CNTN6: variants seen among roughly 807,000 people sequenced by gnomAD.
CNTN6 encodes the protein contactin 6, also known as contactin-6.
CNTN6 carries 137 observed loss-of-function variants against 122.8 expected under a neutral mutation model. The ratio of observed to expected loss-of-function variants is 1.12; its 90% CI spans 0.97 to 1.29. CNTN6 has a LOEUF of 1.29. Among genes scored for constraint, CNTN6 ranks in the 50% most tolerant of loss-of-function variants. The probability of loss-of-function intolerance (pLI) is 0.00; values close to 1 mark genes in which losing one functional copy is unlikely to be tolerated. For synonymous variants in CNTN6, 570 were observed against 426.0 expected, an observed-to-expected ratio of 1.34 and a Z score of -4.16; for missense variants, 1,634 against 1,223.4, an observed-to-expected ratio of 1.34 and a Z score of -5.01.
In CNTN6 at chr3:1,194,720, A is replaced by C. The variant is rs192659814; in HGVS notation, c.56-25967A>C. ...ATGTATTTCTGTGCCTTATACATGGAAAGTAACATTTTCTTTCATTTCTCC... is the reference window on the plus strand; with the variant it reads ...ATGTATTTCTGTGCCTTATACATGGCAAGTAACATTTTCTTTCATTTCTCC... On this transcript the variant is annotated intron_variant, in intron 2 of 22. Transcript: ENST00000446702. Among the ~76,000 whole-genome samples, 222 of 152,178 alleles carry C rather than the reference A, an allele frequency of 1.5e-3. 2 individuals are homozygous for C. Among genetic ancestry groups the C allele is most frequent in the African/African-American group, 5.2e-3 (217 of 41,534 alleles).
intron 11 of CNTN6, among the ~76,000 whole-genome samples, chr3:1,344,382 C>G (rs1000326706): frequency 2.6e-5 from 4 of 152,126 alleles, no homozygotes; most frequent in Non-Finnish European, 5.9e-5. Flanking sequence ...TGGGAACAGT[C>G]TGTGGAAGGA....
chr3:1,394,303 G>A (rs565710275), intron 20 of CNTN6: 4 of 188,102 alleles, frequency 2.1e-5, no homozygotes, highest in African/African-American at 4.8e-5. Context: ...ACGGCCCCCC[G>A]AAACAGGGCT....
intron 8 of CNTN6, among the ~76,000 whole-genome samples, chr3:1,322,577 ACTT>A (rs1454227320): frequency 6.6e-6 from 1 of 151,706 alleles, no homozygotes; most frequent in Admixed American, 6.6e-5. Flanking sequence ...TGGCCAAAAT[ACTT>A]TCCTATGTGA....
At chr3:1,112,761 A>C (rs1377906138) in intron 1 of CNTN6, among the ~76,000 whole-genome samples, 1 of 152,120 alleles carries the variant, frequency 6.6e-6, no homozygotes, top group Non-Finnish European at 1.5e-5. Context: ...ATTAACCATC[A>C]CAGACACAAC....
At chr3:1,097,259 C>G (rs945568812) in intron 1 of CNTN6, among the ~76,000 whole-genome samples, 1 of 152,082 alleles carries the variant, frequency 6.6e-6, no homozygotes, top group African/African-American at 2.4e-5. Flanking sequence ...GCAATGAGTC[C>G]TAAGGTAATT....
rs199505038 is a variant in CNTN6, at chr3:1,237,991, T to TA, written c.358+10007dup. ...ACCTATATAACAATAACACAATGTT[T>TA]AAAAAAAAAGAAAAGAAAACAGAAA... is the stretch of plus-strand genomic sequence containing the variant. On this transcript the variant is annotated intron_variant, in intron 4 of 22. Transcript: ENST00000446702. Among the ~76,000 whole-genome samples the TA allele has an allele frequency of 1.2e-4, 17 of 146,612 alleles. No homozygotes were observed. In the South Asian group the frequency reaches 1.8e-3, roughly 15 times the overall value.
chr3:1,317,965 A>G (rs1700332328), intron 7 of CNTN6, among the ~76,000 whole-genome samples: 1 of 151,762 alleles, frequency 6.6e-6, no homozygotes, highest in Non-Finnish European at 1.5e-5. Context: ...ACCATCTTCA[A>G]AATGGAACAA....
At chr3:1,342,223 G>C (rs952051473) in intron 11 of CNTN6, among the ~76,000 whole-genome samples, 1 of 152,018 alleles carries the variant, frequency 6.6e-6, no homozygotes, top group African/African-American at 2.4e-5. Context: ...TCCGCCTTCC[G>C]GGTTCAAGCA....
intron 1 of CNTN6, among the ~76,000 whole-genome samples, chr3:1,127,483 T>C (rs574079227): frequency 1.3e-5 from 2 of 152,016 alleles, no homozygotes; most frequent in East Asian, 3.9e-4. Context: ...TGTAAACGCA[T>C]AGACCTCTCT....
intron 7 of CNTN6, among the ~76,000 whole-genome samples, chr3:1,301,024 C>CTTTTTTTTTTTTT (rs562912841): frequency 2.1e-5 from 2 of 93,276 alleles, no homozygotes; most frequent in African/African-American, 8.7e-5. Context: ...AGTCCCTAAA[C>CTTTTTTTTTTTTT]TTTTTTTTTT....
intron 1 of CNTN6, among the ~76,000 whole-genome samples, chr3:1,117,993 T>A (rs1352483394): frequency 6.6e-6 from 1 of 152,188 alleles, no homozygotes; most frequent in Non-Finnish European, 1.5e-5. Flanking sequence ...TTTGTGCTTC[T>A]GGTAATCACT....
intron 4 of CNTN6, among the ~76,000 whole-genome samples, chr3:1,238,331 TAAAC>T (rs1332722654): frequency 3.9e-5 from 6 of 152,074 alleles, no homozygotes; most frequent in African/African-American, 7.2e-5. Context: ...AACAGCAGTT[TAAAC>T]AAACAAAGAG....
At chr3:1,207,972 C>T (rs17035466) in intron 2 of CNTN6, among the ~76,000 whole-genome samples, 62,122 of 151,692 alleles carry the variant, frequency 0.41, 13,049 homozygotes, top group African/African-American at 0.5. Flanking sequence ...CCTCTTTCCT[C>T]ACATCAAATC....
chr3:1,227,760 A>G, intron 3 of CNTN6, 58 bp from the exon 4 acceptor site: 1 of 1,545,580 alleles, frequency 6.5e-7, no homozygotes, highest in Non-Finnish European at 8.8e-7. Context: ...ATGTTTTTTA[A>G]GACAAAGATT....
intron 4 of CNTN6, among the ~76,000 whole-genome samples, chr3:1,269,758 G>A (rs2094991019): frequency 6.6e-6 from 1 of 152,002 alleles, no homozygotes; most frequent in Non-Finnish European, 1.5e-5. Flanking sequence ...GGAAAAACAT[G>A]CATTATGTGC....
At chr3:1,382,909 A>AAAT in intron 17 of CNTN6, 33 bp from the exon 18 acceptor site, 1 of 1,457,332 alleles carries the variant, frequency 6.9e-7, no homozygotes, top group South Asian at 1.2e-5. Flanking sequence ...ATATTTTTGC[A>AAAT]AATACTCAGT....
chr3:1,160,369 C>CAT (rs1400058200), intron 2 of CNTN6, among the ~76,000 whole-genome samples: 4 of 89,612 alleles, frequency 4.5e-5, no homozygotes, highest in Admixed American at 1.4e-4. Flanking sequence ...TATATATATA[C>CAT]ACACTACCTA....
intron 16 of CNTN6, among the ~76,000 whole-genome samples, chr3:1,375,403 T>C (rs1376095145): frequency 1.3e-5 from 2 of 152,062 alleles, no homozygotes; most frequent in Admixed American, 6.6e-5. Flanking sequence ...GAGTCTCTCG[T>C]CTCTCCCTCT....
At chr3:1,100,645 T>C (rs2090838833) in intron 1 of CNTN6, among the ~76,000 whole-genome samples, 1 of 152,178 alleles carries the variant, frequency 6.6e-6, no homozygotes, top group African/African-American at 2.4e-5. Context: ...TAGGCTTCTG[T>C]CTTTGATTTC....
Sources: gnomAD v4.1 joint callset for allele counts (sites outside exome capture counted in the v4.1 genomes callset) on GRCh38, gnomAD v4.1.1 for gene constraint, MANE v1.5 for transcripts, NCBI Gene and HGNC (gene_info 2026-07-23, HGNC 2026-07-21) for gene names.